The following FAM216A variants were observed in gnomAD, a reference collection of about 807,000 sequenced individuals.
The protein encoded by FAM216A is family with sequence similarity 216 member A, also known as protein FAM216A.
Under a neutral mutation model 37.6 loss-of-function variants are expected in FAM216A, and 26 were observed. The ratio of observed to expected loss-of-function variants is 0.69; its 90% CI spans 0.51 to 0.96. The LOEUF (loss-of-function observed/expected upper bound fraction) is 0.96, where lower values mean the gene tolerates loss of function less well. FAM216A is among the 40% of genes least tolerant of loss of function. The pLI is 0.00. For missense variants in FAM216A, 326 were observed against 339.3 expected, an observed-to-expected ratio of 0.96 and a Z score of 0.31; for synonymous variants, 110 against 121.7, an observed-to-expected ratio of 0.90 and a Z score of 0.64.
rs759094453 is a variant in FAM216A at position 110,473,113 on chromosome 12, G to A, written c.179G>A (p.Gly60Asp). ...AGYSCYQNSK[G>D]SDRIKDGYKV... ...TACTCTTGTTACCAGAATTCCAAAG[G>A]TTCTGGTGAGTAGTGCATATAAAGC... Residue 60 changes from glycine to aspartate, a missense_variant, in exon 2 of 7, where the codon GGT becomes GAT. Physicochemically the swap from Gly to Asp is moderately conservative, Grantham distance 94 (BLOSUM62 -1). Coordinates refer to ENST00000377673, the MANE Select transcript of FAM216A (RefSeq NM_013300.3). 6.4e-7 allele frequency: 1 copy of A among 1,559,248 alleles called. No individual in the cohort carries two copies.
In FAM216A at chr12:110,486,702, T is replaced by G; in HGVS notation, c.605T>G (p.Val202Gly). ...MLIQHSLWRP[V>G]RNKEGIKTGY... ...ATACAGCATTCCCTTTGGCGGCCAG[T>G]GAGAAACAAAGAAGGGTCTGTTTCT... The change falls in exon 5 of 7, where the codon GTG becomes GGG. Residue 202 changes from valine to glycine, a missense_variant. Coordinates refer to ENST00000377673, the MANE Select transcript of FAM216A (RefSeq NM_013300.3). 3 of 1,612,990 alleles carry G rather than the reference T, an allele frequency of 1.9e-6. No individual in the cohort carries two copies. Among genetic ancestry groups the G allele is most frequent in the Non-Finnish European group, 2.5e-6 (3 of 1,179,666 alleles).
intron 6 of FAM216A, 25 bp from the exon 7 acceptor site, chr12:110,489,994 T>C (rs757476728): frequency 3.8e-5 from 41 of 1,089,200 alleles, no homozygotes; most frequent in Non-Finnish European, 5.4e-5. Context: ...AAACAGACAA[T>C]TGTAAATTCT....
intron 2 of FAM216A, among the ~76,000 whole-genome samples, chr12:110,481,241 T>C (rs2062744979): frequency 6.6e-6 from 1 of 152,240 alleles, no homozygotes; most frequent in African/African-American, 2.4e-5. Flanking sequence ...GGATAAATAA[T>C]CTGTTTGAGT....
rs372258989 is a variant in FAM216A, at chr12:110,490,278, T to C, written c.*141T>C. 3.3e-5 allele frequency: 23 copies of C among 696,548 alleles called. No individual in the cohort carries two copies. Among genetic ancestry groups the C allele is most frequent in the South Asian group, 2.8e-4 (18 of 63,788 alleles). The allele number at this position is 696,548 out of a possible 1,614,324, so 43.1% of individuals were successfully genotyped here. ...TGTTCAGAAACTTAAAACAATGTAA[T>C]TGGTCTGATGTAGTTCCATGTACCA... On this transcript the variant is annotated 3_prime_UTR_variant, in exon 7 of 7. Coordinates refer to ENST00000377673, the MANE Select transcript of FAM216A (RefSeq NM_013300.3).
At chr12:110,472,245 A>G (rs1453715640) in intron 1 of FAM216A, among the ~76,000 whole-genome samples, 3 of 115,706 alleles carry the variant, frequency 2.6e-5, no homozygotes, top group Non-Finnish European at 5.4e-5. Flanking sequence ...AAGAAAAAAG[A>G]AAAAAAAAAA....
chr12:110,472,037 G>C (rs2062689645), intron 1 of FAM216A, among the ~76,000 whole-genome samples: 1 of 151,840 alleles, frequency 6.6e-6, no homozygotes, highest in Admixed American at 6.6e-5. Context: ...TTTGAGACCG[G>C]CCTGGCCAAC....
At chr12:110,470,252 C>T (rs2062676322) in intron 1 of FAM216A, among the ~76,000 whole-genome samples, 1 of 151,876 alleles carries the variant, frequency 6.6e-6, no homozygotes, top group African/African-American at 2.4e-5. Flanking sequence ...GCGCCTGCCA[C>T]CACGCCCGGC....
chr12:110,468,430 T>C (rs1242189858), upstream of FAM216A: 1 of 1,534,764 alleles, frequency 6.5e-7, no homozygotes, highest in Non-Finnish European at 8.7e-7. Flanking sequence ...CAAAAGTAGT[T>C]GATGGAAATC....
chr12:110,481,927 T>C (rs1161427126), intron 2 of FAM216A, among the ~76,000 whole-genome samples: 1 of 152,194 alleles, frequency 6.6e-6, no homozygotes, highest in African/African-American at 2.4e-5. Flanking sequence ...CCAAATGATT[T>C]TCCATTTCTT....
At chr12:110,479,818 C>G (rs1320236954) in intron 2 of FAM216A, among the ~76,000 whole-genome samples, 1 of 150,466 alleles carries the variant, frequency 6.6e-6, no homozygotes, top group Non-Finnish European at 1.5e-5. Context: ...AGCCTGGCGA[C>G]AGAGCAAGGC....
At chr12:110,489,397 G>A (rs552037047) in intron 6 of FAM216A, among the ~76,000 whole-genome samples, 1 of 152,016 alleles carries the variant, frequency 6.6e-6, no homozygotes, top group East Asian at 1.9e-4. Flanking sequence ...CCAGCTACTC[G>A]GGAGGCTGAG....
At position 110,469,017 on chromosome 12, in the gene FAM216A, G is replaced by A. The variant is rs2062660651; in HGVS notation, c.142G>A (p.Gly48Arg). The A allele has an allele frequency of 2.0e-6, 3 of 1,470,108 alleles. No homozygotes were observed. Among genetic ancestry groups the A allele is most frequent in the South Asian group, 2.6e-5 (2 of 76,254 alleles). 91.1% of individuals were successfully genotyped at this position (1,470,108 alleles called of 1,614,324 possible). A position where few individuals can be genotyped will look rare whatever the true frequency, so the allele number is the denominator to read the frequency against. The stretch of plus-strand genomic sequence containing the variant: ...GGCCGGGACCGAGGGTGGCGGCGGC[G>A]GGTGAGGTTGGGGGCCCCGGGGTAA... The part of the protein sequence containing the change: ...AVAGTEGGGG[G>R]SAGYSCYQNS... Residue 48 changes from glycine (G) to arginine (R), a missense_variant and splice_region_variant, in exon 1 of 7, where the codon GGA (glycine) becomes AGA (arginine). Transcript: ENST00000377673.
In FAM216A at chr12:110,483,655, C is replaced by G. The variant is rs144979606; in HGVS notation, c.185-1423C>G. ...CCTAGCCATCATGGTAAAACCCCAT[C>G]TCTACTAAAAATACAAAAATTAGCT... On this transcript the variant is annotated intron_variant, in intron 2 of 6. Transcript: ENST00000377673. Among the ~76,000 whole-genome samples the G allele has an allele frequency of 2.5e-3, 374 of 152,220 alleles. 13 individuals are homozygous for G. In the East Asian group the frequency reaches 0.06, roughly 24 times the overall value.
chr12:110,484,421 C>T (rs1448173367), intron 2 of FAM216A, among the ~76,000 whole-genome samples: 5 of 95,798 alleles, frequency 5.2e-5, no homozygotes, highest in Non-Finnish European at 8.0e-5. Flanking sequence ...AGAGAGACTC[C>T]GTCTCAAAAA....
Position 110,487,822 on chromosome 12 carries a change from C to G in FAM216A, c.621-39C>G, listed in dbSNP as rs746843556. On this transcript the variant is annotated intron_variant, in intron 5 of 6. Transcript: ENST00000377673. ...TCCACATGCCCTAGGCAGCTGTTCA[C>G]TTTGCTGGCTCCAACTAAGATACTT... 17 of 1,288,890 alleles carry G rather than the reference C, an allele frequency of 1.3e-5. No homozygotes were observed. In the South Asian group the frequency reaches 2.1e-4, roughly 16 times the overall value. 79.8% of individuals were successfully genotyped at this position (1,288,890 alleles called of 1,614,324 possible).
chr12:110,468,484 G>A (rs188852690), upstream of FAM216A: 18 of 1,537,018 alleles, frequency 1.2e-5, no homozygotes, highest in African/African-American at 1.9e-4. Context: ...GAGTAATAAC[G>A]GACAACAGAT....
chr12:110,478,839 G>A (rs1029471411), intron 2 of FAM216A, among the ~76,000 whole-genome samples: 5 of 152,106 alleles, frequency 3.3e-5, no homozygotes, highest in South Asian at 4.1e-4. Context: ...AGCCGCTAAA[G>A]TTGTGTTGTT....
chr12:110,480,930 C>T (rs1165960296), intron 2 of FAM216A, among the ~76,000 whole-genome samples: 2 of 152,088 alleles, frequency 1.3e-5, no homozygotes, highest in Admixed American at 6.6e-5. Context: ...TCCCTATATA[C>T]CTCCTTTCCC....
At chr12:110,484,277 A>G (rs1256213634) in intron 2 of FAM216A, among the ~76,000 whole-genome samples, 1 of 151,626 alleles carries the variant, frequency 6.6e-6, no homozygotes, top group African/African-American at 2.4e-5. Flanking sequence ...AATACAAAAA[A>G]TTAGCCGGGC....
Sources: allele counts gnomAD v4.1 joint callset (sites outside exome capture counted in the v4.1 genomes callset), GRCh38; gene constraint gnomAD v4.1.1; transcripts MANE v1.5; gene names NCBI Gene and HGNC (gene_info 2026-07-23, HGNC 2026-07-21).